Variants in PDE10A observed in about 807,000 individuals in gnomAD.
PDE10A encodes phosphodiesterase 10A.
In PDE10A, 39 loss-of-function variants were observed where a neutral mutation model predicts 97.7. The ratio of observed to expected loss-of-function variants is 0.40; its 90% CI spans 0.31 to 0.52. The LOEUF is 0.52. Among genes scored for constraint, PDE10A ranks in the 20% least tolerant of loss-of-function variants. The probability of loss-of-function intolerance (pLI) is 0.56; values close to 1 mark genes in which losing one functional copy is unlikely to be tolerated. For synonymous variants in PDE10A, 371 were observed against 376.8 expected, an observed-to-expected ratio of 0.98 and a Z score of 0.18; for missense variants, 731 against 1,047.8, an observed-to-expected ratio of 0.70 and a Z score of 4.17.
In PDE10A at chr6:165,379,354, T is replaced by C; in HGVS notation, c.2623A>G (p.Asn875Asp). Reference sequence around the variant, plus strand: ...CTGGAGCTCAGAGTGGAGAAGATATTGTGCCCTTCCAACTAGGGAAAAAAT... The same window carrying C: ...CTGGAGCTCAGAGTGGAGAAGATATCGTGCCCTTCCAACTAGGGAAAAAAT... ...TVSILQLEGH[N>D]IFSTLSSSEY... The change falls in exon 18 of 22, where the codon AAT (asparagine) becomes GAT (aspartate). Residue 875 changes from asparagine (N) to aspartate (D), a missense_variant. Around this residue, in one of 8 missense-constraint regions of PDE10A, gnomAD observed 25 missense variants for 83.7 expected, o/e 0.30. Coordinates refer to ENST00000539869, the MANE Select transcript of PDE10A (RefSeq NM_001385079.1). The C allele has an allele frequency of 6.2e-7, 1 of 1,610,982 alleles. No homozygotes were observed. Among genetic ancestry groups the C allele is most frequent in the Non-Finnish European group, 8.5e-7 (1 of 1,179,088 alleles).
At chr6:165,751,120 G>A (rs947307752) in intron 1 of PDE10A, among the ~76,000 whole-genome samples, 11 of 152,174 alleles carry the variant, frequency 7.2e-5, no homozygotes, top group African/African-American at 1.4e-4. Context: ...CTTCACCTGC[G>A]GGTGCATTAG....
chr6:165,734,412 A>G (rs1792514701), intron 1 of PDE10A, among the ~76,000 whole-genome samples: 1 of 152,162 alleles, frequency 6.6e-6, no homozygotes, highest in Non-Finnish European at 1.5e-5. Context: ...CAACAAAATG[A>G]AGGTTAGCAC....
chr6:165,971,142 A>G (rs1202950309), intron 1 of PDE10A, among the ~76,000 whole-genome samples: 1 of 151,834 alleles, frequency 6.6e-6, no homozygotes, highest in African/African-American at 2.4e-5. Flanking sequence ...AGGGAGACAA[A>G]AAAAAAAAGG....
intron 1 of PDE10A, among the ~76,000 whole-genome samples, chr6:165,715,446 C>G (rs1172083111): frequency 1.3e-5 from 2 of 152,102 alleles, no homozygotes; most frequent in Non-Finnish European, 2.9e-5. Context: ...TTTATTTTCC[C>G]CAAATCGACC....
chr6:165,942,411 G>A (rs1205361562), intron 1 of PDE10A, among the ~76,000 whole-genome samples: 1 of 152,060 alleles, frequency 6.6e-6, no homozygotes, highest in African/African-American at 2.4e-5. Context: ...TAGTTACTAA[G>A]GATGTTAATA....
intron 1 of PDE10A, among the ~76,000 whole-genome samples, chr6:165,866,902 A>G (rs1781071714): frequency 6.6e-6 from 1 of 152,050 alleles, no homozygotes; most frequent in African/African-American, 2.4e-5. Context: ...AAACTGGTGA[A>G]TTCATCATTA....
intron 1 of PDE10A, among the ~76,000 whole-genome samples, chr6:165,685,939 A>G (rs1791102427): frequency 1.3e-5 from 2 of 152,340 alleles, no homozygotes; most frequent in South Asian, 4.1e-4. Flanking sequence ...AAGTGGTAAC[A>G]GAAGCCATTA....
chr6:165,642,391 T>C (rs769933769), intron 1 of PDE10A, among the ~76,000 whole-genome samples: 2 of 152,160 alleles, frequency 1.3e-5, no homozygotes, highest in African/African-American at 2.4e-5. Context: ...TATCGACACA[T>C]AGGAGGCACT....
At chr6:165,829,688 G>A (rs1272473880) in intron 1 of PDE10A, among the ~76,000 whole-genome samples, 1 of 152,230 alleles carries the variant, frequency 6.6e-6, no homozygotes, top group Non-Finnish European at 1.5e-5. Flanking sequence ...CTAACCAACA[G>A]ATCCTACTCT....
intron 1 of PDE10A, among the ~76,000 whole-genome samples, chr6:165,733,427 G>C (rs1792489128): frequency 6.6e-6 from 1 of 152,160 alleles, no homozygotes; most frequent in Admixed American, 6.5e-5. Context: ...TGCCACGCTT[G>C]AGCTGCCCGG....
chr6:165,653,242 A>C (rs1163296184), intron 1 of PDE10A, among the ~76,000 whole-genome samples: 2 of 152,184 alleles, frequency 1.3e-5, no homozygotes, highest in African/African-American at 4.8e-5. Context: ...TTGCTTGGCA[A>C]CATGCTCGGC....
chr6:165,393,321 A>G (rs1785869715), intron 15 of PDE10A, among the ~76,000 whole-genome samples: 1 of 152,036 alleles, frequency 6.6e-6, no homozygotes, highest in Non-Finnish European at 1.5e-5. Context: ...TAAGTCACAA[A>G]TGAACATATC....
intron 5 of PDE10A, among the ~76,000 whole-genome samples, chr6:165,436,189 A>C (rs1790001783): frequency 6.6e-6 from 1 of 152,122 alleles, no homozygotes; most frequent in Non-Finnish European, 1.5e-5. Flanking sequence ...CACAGACTTC[A>C]CTTTATTTTT....
At chr6:165,371,515 A>G (rs1018845828) in intron 18 of PDE10A, among the ~76,000 whole-genome samples, 3 of 152,022 alleles carry the variant, frequency 2.0e-5, no homozygotes, top group Non-Finnish European at 2.9e-5. Context: ...ACACTCTCCC[A>G]AGACTAAACC....
intron 3 of PDE10A, among the ~76,000 whole-genome samples, chr6:165,467,295 T>C (rs937178721): frequency 1.3e-5 from 2 of 152,238 alleles, no homozygotes; most frequent in African/African-American, 2.4e-5. Context: ...TGGATGAAAG[T>C]GGCTATCCTA....
At chr6:165,457,618 GTT>G in intron 3 of PDE10A, among the ~76,000 whole-genome samples, 1 of 152,206 alleles carries the variant, frequency 6.6e-6, no homozygotes, top group South Asian at 2.1e-4. Flanking sequence ...ATGCCACTGT[GTT>G]TCCCATGACA....
At chr6:165,745,274 C>G (rs1203717823) in intron 1 of PDE10A, among the ~76,000 whole-genome samples, 1 of 152,128 alleles carries the variant, frequency 6.6e-6, no homozygotes, top group Non-Finnish European at 1.5e-5. Flanking sequence ...GTATTATCCG[C>G]CATATATATT....
intron 1 of PDE10A, among the ~76,000 whole-genome samples, chr6:165,904,187 A>G (rs1782197890): frequency 6.6e-6 from 1 of 152,212 alleles, no homozygotes; most frequent in Non-Finnish European, 1.5e-5. Flanking sequence ...TTGGTGGTAT[A>G]GTAAAGAGGA....
rs184349599 is a variant in PDE10A at position 165,348,093 on chromosome 6, T to C, written c.2784-4591A>G. 1.4e-4 allele frequency among the ~76,000 whole-genome samples: 21 copies of C among 152,262 alleles called. No homozygotes were observed. The East Asian group carries it at 3.9e-3, about 28-fold the overall frequency. Reference sequence around the variant, plus strand: ...CTTCAAGGGAAGTGGAGCAAAGGGATTGCTTTTGAAGGGTACAAATATTAT... The same window carrying C: ...CTTCAAGGGAAGTGGAGCAAAGGGACTGCTTTTGAAGGGTACAAATATTAT... On this transcript the variant is annotated intron_variant, in intron 18 of 21. Transcript: ENST00000539869.
Sources: allele counts gnomAD v4.1 joint callset (sites outside exome capture counted in the v4.1 genomes callset), GRCh38; gene constraint gnomAD v4.1.1; regional missense constraint gnomAD v4.1.1; transcripts MANE v1.5; gene names NCBI Gene and HGNC (gene_info 2026-07-23, HGNC 2026-07-21).